USP24: variants seen among roughly 807,000 people sequenced by gnomAD.
USP24 encodes ubiquitin specific peptidase 24, also known as ubiquitin carboxyl-terminal hydrolase 24.
In USP24, 97 loss-of-function variants were observed where a neutral mutation model predicts 361.6. The ratio of observed to expected loss-of-function variants is 0.27; its 90% CI spans 0.23 to 0.32. The LOEUF (loss-of-function observed/expected upper bound fraction) is 0.32. Among genes scored for constraint, USP24 ranks in the 10% least tolerant of loss-of-function variants. The pLI, the probability that USP24 is intolerant of heterozygous loss-of-function variation, is 1.00. For synonymous variants in USP24, 1,098 were observed against 1,124.6 expected, an observed-to-expected ratio of 0.98 and a Z score of 0.47; for missense variants, 2,353 against 3,165.6, an observed-to-expected ratio of 0.74 and a Z score of 6.16.
chr1:55,079,964 C>T (rs1389383667), intron 59 of USP24, among the ~76,000 whole-genome samples: 1 of 152,106 alleles, frequency 6.6e-6, no homozygotes, highest in Non-Finnish European at 1.5e-5. Context: ...ACTCACACAG[C>T]GGATCCCTCA....
chr1:55,104,060 A>G (rs1557563596), intron 41 of USP24, 40 bp from the exon 42 acceptor site: 1 of 1,556,392 alleles, frequency 6.4e-7, no homozygotes, highest in Middle Eastern at 1.7e-4. Context: ...ACAATGAATA[A>G]TCTACTTAAA....
chr1:55,163,443 A>G (rs1314534581), intron 7 of USP24, among the ~76,000 whole-genome samples: 2 of 152,112 alleles, frequency 1.3e-5, no homozygotes, highest in East Asian at 3.8e-4. Flanking sequence ...TCACCCAAAG[A>G]GACCTAAATA....
At chr1:55,214,444 T>C (rs1452895620) in intron 1 of USP24, among the ~76,000 whole-genome samples, 1 of 151,774 alleles carries the variant, frequency 6.6e-6, no homozygotes, top group Non-Finnish European at 1.5e-5. Context: ...TGCTCAAGTG[T>C]CTGTCCTCCC....
chr1:55,179,054 C>T (rs1170926734), intron 1 of USP24, among the ~76,000 whole-genome samples: 1 of 152,204 alleles, frequency 6.6e-6, no homozygotes, highest in Non-Finnish European at 1.5e-5. Flanking sequence ...TTCCTGACAA[C>T]ACCCCAATCT....
intron 1 of USP24, 67 bp from the exon 2 acceptor site, chr1:55,178,199 T>A: frequency 1.3e-6 from 2 of 1,518,448 alleles, no homozygotes; most frequent in Non-Finnish European, 8.9e-7. Flanking sequence ...AAATTTCCTA[T>A]GTAACACAGA....
At chr1:55,182,376 C>T (rs563436104) in intron 1 of USP24, among the ~76,000 whole-genome samples, 1 of 152,172 alleles carries the variant, frequency 6.6e-6, no homozygotes, top group East Asian at 1.9e-4. Flanking sequence ...TGATCTTGGA[C>T]TTCTAGCCCC....
chr1:55,093,743 G>T, intron 52 of USP24, 194 bp downstream of exon 52: 1 of 618,984 alleles, frequency 1.6e-6, no homozygotes, highest in Non-Finnish European at 2.6e-6. Flanking sequence ...ATTCATACTT[G>T]TGTTCTTAGC....
At chr1:55,137,484 T>G (rs1316875390) in intron 28 of USP24, 31 bp downstream of exon 28, 2 of 1,600,252 alleles carry the variant, frequency 1.2e-6, no homozygotes, top group Admixed American at 3.5e-5. Context: ...GTTAAGTTCT[T>G]GTTTTTAAAT....
At chr1:55,196,567 G>A (rs1644425045) in intron 1 of USP24, among the ~76,000 whole-genome samples, 1 of 152,122 alleles carries the variant, frequency 6.6e-6, no homozygotes, top group Non-Finnish European at 1.5e-5. Context: ...AATGGTTTAA[G>A]TGCTATCTCT....
chr1:55,080,848 T>C (rs1424171111), intron 59 of USP24, among the ~76,000 whole-genome samples: 2 of 152,232 alleles, frequency 1.3e-5, no homozygotes, highest in Non-Finnish European at 2.9e-5. Flanking sequence ...TATATTTCAA[T>C]GATGTAATTT....
intron 43 of USP24, 31 bp downstream of exon 43, chr1:55,101,553 C>G (rs755097099): frequency 6.3e-7 from 1 of 1,578,630 alleles, no homozygotes; most frequent in East Asian, 2.3e-5. Flanking sequence ...TATTATCTAT[C>G]GTACCAAAAA....
rs755978809 is a variant in USP24, at chr1:55,083,350, A to G, written c.6897T>C (p.Ala2299=). ...NTFVQKQGIR[A]GDLLLRHSAL... ...CTGAATGCCTCAGAAGAAGATCTCC[A>G]GCCCTAATTCCTTGCTGTCACAAGA... is the stretch of plus-strand genomic sequence containing the variant. Residue 2299 remains alanine, a synonymous_variant, in exon 58 of 68, where the codon GCT becomes GCC. Transcript: ENST00000294383. 3.7e-6 allele frequency: 6 copies of G among 1,613,674 alleles called. No individual in the cohort carries two copies. The South Asian group carries it at 5.5e-5, about 15-fold the overall frequency.
intron 64 of USP24, 60 bp from the exon 65 acceptor site, chr1:55,072,921 AT>A (rs1644950509): frequency 6.8e-7 from 1 of 1,468,558 alleles, no homozygotes; most frequent in African/African-American, 1.4e-5. Flanking sequence ...CTAGTGCTTC[AT>A]TTTGAAACGT....
chr1:55,166,011 A>G, intron 6 of USP24, 61 bp from the exon 7 acceptor site: 1 of 1,505,768 alleles, frequency 6.6e-7, no homozygotes, highest in South Asian at 1.2e-5. Context: ...ATTTTGAAAA[A>G]TTTCTATTGG....
chr1:55,101,169 A>C (rs1161599006), intron 43 of USP24, among the ~76,000 whole-genome samples: 1 of 152,204 alleles, frequency 6.6e-6, no homozygotes, highest in Non-Finnish European at 1.5e-5. Context: ...CTGATTATGA[A>C]AAACTGGTCT....
chr1:55,137,590 C>T lies in USP24; in HGVS notation c.3126G>A (p.Gly1042=), dbSNP rs1195503622. Residue 1042 remains glycine, a synonymous_variant, in exon 28 of 68, where the codon GGG becomes GGA. Transcript: ENST00000294383. ...AGCTGGTTGAAGAATCTGCTGAACT[C>T]CCAGATGGGGTCCCACTGCCAGAAG... ...VKTSGSGTPS[G]SSADSSTSSS... is the part of the protein sequence containing the mutation. 1.9e-6 allele frequency: 3 copies of T among 1,613,304 alleles called. No homozygotes were observed. Among genetic ancestry groups the T allele is most frequent in the South Asian group, 2.2e-5 (2 of 90,972 alleles).
At chr1:55,170,305 G>C (rs949070694) in intron 5 of USP24, among the ~76,000 whole-genome samples, 10 of 152,096 alleles carry the variant, frequency 6.6e-5, no homozygotes, top group African/African-American at 2.2e-4. Flanking sequence ...GAAACACAAA[G>C]ACTGCACCTT....
Position 55,182,319 on chromosome 1 carries a change from C to T in USP24, c.325-4187G>A, listed in dbSNP as rs576284413. 3.9e-5 allele frequency among the ~76,000 whole-genome samples: 6 copies of T among 152,294 alleles called. No individual in the cohort carries two copies. In the South Asian group the frequency reaches 8.3e-4, roughly 21 times the overall value. ...ATGCCCACCTTGGCCTCCCAAAGTG[C>T]TGGGATTGCAGGCGTGAGCCATTGC... On this transcript the variant is annotated intron_variant, in intron 1 of 67. Transcript: ENST00000294383.
intron 1 of USP24, among the ~76,000 whole-genome samples, chr1:55,178,405 A>C (rs531974072): frequency 9.9e-5 from 15 of 152,182 alleles, no homozygotes; most frequent in Non-Finnish European, 1.6e-4. Context: ...GCAGTGGCTC[A>C]CACCTGTAAT....
Sources: allele counts gnomAD v4.1 joint callset (sites outside exome capture counted in the v4.1 genomes callset), GRCh38; gene constraint gnomAD v4.1.1; transcripts MANE v1.5; gene names NCBI Gene and HGNC (gene_info 2026-07-23, HGNC 2026-07-21).